NLRC5: variants seen among roughly 807,000 people sequenced by gnomAD.
NLRC5 encodes the protein NLR family CARD domain containing 5, also known as protein NLRC5.
A neutral mutation model predicts 206.9 loss-of-function variants in NLRC5; 114 were observed. That is an observed-to-expected ratio of 0.55 (90% CI 0.47 to 0.64). The LOEUF (loss-of-function observed/expected upper bound fraction) is 0.64. Ranked by LOEUF, NLRC5 falls within the 30% of genes least tolerant of loss-of-function variation. The pLI is 0.00. For missense variants in NLRC5, 2,008 were observed against 2,305.5 expected, an observed-to-expected ratio of 0.87 and a Z score of 2.64; for synonymous variants, 952 against 962.8, an observed-to-expected ratio of 0.99 and a Z score of 0.21.
intron 45 of NLRC5, 48 bp downstream of exon 45, chr16:57,079,340 G>A (rs766206663): frequency 1.3e-6 from 2 of 1,589,786 alleles, no homozygotes; most frequent in Non-Finnish European, 1.7e-6. Context: ...CAGGCTGAGG[G>A]CAGCCCTTCT....
intron 6 of NLRC5, 42 bp downstream of exon 6, chr16:57,027,060 T>C: frequency 2.5e-6 from 4 of 1,583,362 alleles, no homozygotes; most frequent in Non-Finnish European, 2.6e-6. Context: ...GATTGGGCTT[T>C]TGGGGGAGCA....
chr16:57,015,335 T>C (rs1435993465), intron 1 of NLRC5, among the ~76,000 whole-genome samples: 2 of 152,136 alleles, frequency 1.3e-5, no homozygotes, highest in Admixed American at 6.5e-5. Flanking sequence ...ACTGGGTATT[T>C]AGGCTTCACC....
chr16:57,010,577 A>G (rs2059382891), intron 1 of NLRC5, among the ~76,000 whole-genome samples: 1 of 152,124 alleles, frequency 6.6e-6, no homozygotes, highest in African/African-American at 2.4e-5. Context: ...TGCACAATGT[A>G]GCCCAAGCTG....
rs71383218 is a variant in NLRC5 at position 57,078,466 on chromosome 16, G to GTTTTTTTTTTTTTTTTTTT, written c.5081+452_5081+470dup. 8.7e-5 allele frequency among the ~76,000 whole-genome samples: 8 copies of GTTTTTTTTTTTTTTTTTTT among 92,188 alleles called. 1 individual carries two copies. Among genetic ancestry groups the GTTTTTTTTTTTTTTTTTTT allele is most frequent in the African/African-American group, 3.5e-4 (7 of 20,046 alleles). 60.5% of individuals were successfully genotyped at this position (92,188 alleles called of 152,430 possible). A position where few individuals can be genotyped will look rare whatever the true frequency, so the allele number is the denominator to read the frequency against. On this transcript the variant is annotated intron_variant, in intron 43 of 48. Coordinates refer to ENST00000688547, the MANE Select transcript of NLRC5 (RefSeq NM_001384950.1). Reference sequence around the variant, plus strand: ...CAGAGTCCCAGAGTGCTGGGACCTTGTTTTTTTTTTTTTTTTTTTTTTTTA... The same window carrying GTTTTTTTTTTTTTTTTTTT: ...CAGAGTCCCAGAGTGCTGGGACCTTGTTTTTTTTTTTTTTTTTTTTTTTTTTTTTTTTTTTTTTTTTTTA...
At chr16:57,002,446 C>G (rs821465) in intron 1 of NLRC5, among the ~76,000 whole-genome samples, 108,860 of 152,018 alleles carry the variant, frequency 0.72, 39,918 homozygotes, top group Non-Finnish European at 0.8. Flanking sequence ...CCGTGCCCAG[C>G]TGCCACATTT....
At chr16:57,047,445 C>G (rs1196671707) in intron 22 of NLRC5, 100 bp from the exon 23 acceptor site, 9 of 1,085,888 alleles carry the variant, frequency 8.3e-6, no homozygotes, top group Non-Finnish European at 9.6e-6. Context: ...TGGCCTCCCA[C>G]TTAGAGTGAG....
intron 24 of NLRC5, 36 bp downstream of exon 24, chr16:57,051,657 G>A (rs115578041): frequency 6.4e-7 from 1 of 1,553,764 alleles, no homozygotes; most frequent in Admixed American, 1.7e-5. Flanking sequence ...CCGGTTCCTT[G>A]TGCTCGTGTT....
Position 57,076,788 on chromosome 16 carries a change from A to C in NLRC5, c.4752-31A>C, listed in dbSNP as rs760776213. The C allele has an allele frequency of 1.1e-4, 173 of 1,607,600 alleles. 1 individual carries two copies. The Admixed American group carries it at 2.8e-3, about 26-fold the overall frequency. The stretch of plus-strand genomic sequence containing the variant: ...CCTGCAAAGGCCTTTAAGCTCCTGA[A>C]AGCCTCTTGGTCTATTCCCTGCTTT... On this transcript the variant is annotated intron_variant, in intron 39 of 48. Coordinates refer to ENST00000688547, the MANE Select transcript of NLRC5 (RefSeq NM_001384950.1).
At chr16:56,991,861 T>G (rs1438925389) in intron 1 of NLRC5, 4 of 152,076 alleles carry the variant, frequency 2.6e-5, no homozygotes, top group Admixed American at 2.6e-4. Flanking sequence ...CCACAAAAGA[T>G]ATGCTGAAGG....
intron 39 of NLRC5, among the ~76,000 whole-genome samples, chr16:57,074,887 C>T (rs1476162982): frequency 6.6e-6 from 1 of 152,126 alleles, no homozygotes; most frequent in Non-Finnish European, 1.5e-5. Flanking sequence ...CAAAAGTGGC[C>T]TAAAGGGCTT....
chr16:57,047,921 C>T, intron 23 of NLRC5: 1 of 444,956 alleles, frequency 2.2e-6, no homozygotes, highest in Non-Finnish European at 4.1e-6. Context: ...CCAACCCCAC[C>T]CCTGGAGCCT....
intron 1 of NLRC5, among the ~76,000 whole-genome samples, chr16:57,012,737 A>G (rs2059636255): frequency 6.6e-6 from 1 of 152,198 alleles, no homozygotes; most frequent in East Asian, 1.9e-4. Context: ...ATCAGTCCCT[A>G]GGCCAAAAAG....
intron 15 of NLRC5, among the ~76,000 whole-genome samples, 158 bp downstream of exon 15, chr16:57,037,442 G>T (rs1443348704): frequency 6.6e-6 from 1 of 152,118 alleles, no homozygotes; most frequent in African/African-American, 2.4e-5. Context: ...CTTCCTAGCT[G>T]CTGTGGATAT....
In NLRC5 at chr16:57,059,108, G is replaced by C. The variant is rs369366991; in HGVS notation, c.3920+47G>C. ...AAAAGCCCCTTTCTGCTGGCCAACA[G>C]GTGCCCCTGGCTGATGATGGGAGAA... On this transcript the variant is annotated intron_variant, in intron 29 of 48. Coordinates refer to ENST00000688547, the MANE Select transcript of NLRC5 (RefSeq NM_001384950.1). The C allele has an allele frequency of 3.7e-6, 6 of 1,612,822 alleles. No homozygotes were observed. The Admixed American group carries it at 1.0e-4, about 27-fold the overall frequency.
intron 23 of NLRC5, 134 bp from the exon 24 acceptor site, chr16:57,051,404 G>A: frequency 1.4e-6 from 1 of 707,158 alleles, no homozygotes; most frequent in Non-Finnish European, 2.6e-6. Context: ...GATAACCCAT[G>A]GACCCAGTGC....
At chr16:57,063,472 T>C (rs769019070) in intron 32 of NLRC5, among the ~76,000 whole-genome samples, 1 of 152,202 alleles carries the variant, frequency 6.6e-6, no homozygotes, top group Non-Finnish European at 1.5e-5. Context: ...ACATTTTGTG[T>C]ATCCACTTAT....
At position 57,067,483 on chromosome 16, in the gene NLRC5, A is replaced by T; in HGVS notation, c.4406+13A>T. 6.2e-7 allele frequency: 1 copy of T among 1,613,702 alleles called. No homozygotes were observed. Among genetic ancestry groups the T allele is most frequent in the Non-Finnish European group, 8.5e-7 (1 of 1,179,604 alleles). Reference sequence around the variant, plus strand: ...TGCAGCAGCTCAGGTCAGCGCCTGGAAACTCTGTGTGGGGCCCTGAGTTCT... The same window carrying T: ...TGCAGCAGCTCAGGTCAGCGCCTGGTAACTCTGTGTGGGGCCCTGAGTTCT... On this transcript the variant is annotated intron_variant, in intron 35 of 48. Coordinates refer to ENST00000688547, the MANE Select transcript of NLRC5 (RefSeq NM_001384950.1).
At chr16:57,012,324 A>T (rs1284399674) in intron 1 of NLRC5, among the ~76,000 whole-genome samples, 2 of 152,232 alleles carry the variant, frequency 1.3e-5, no homozygotes, top group Non-Finnish European at 2.9e-5. Context: ...ACATTCATAT[A>T]CAAGTTTTTG....
At chr16:57,057,943 G>A (rs1395833974) in intron 27 of NLRC5, 122 bp from the exon 28 acceptor site, 26 of 741,870 alleles carry the variant, frequency 3.5e-5, no homozygotes, top group Middle Eastern at 3.6e-4. Context: ...TGGTGGTGGC[G>A]CTGGTGACCC....
Sources: gnomAD v4.1 joint callset for allele counts (sites outside exome capture counted in the v4.1 genomes callset) on GRCh38, gnomAD v4.1.1 for gene constraint, MANE v1.5 for transcripts, NCBI Gene and HGNC (gene_info 2026-07-23, HGNC 2026-07-21) for gene names.